The following TSPAN5 variants were observed in gnomAD, a reference collection of about 807,000 sequenced individuals.
TSPAN5 encodes tetraspanin-5.
Under a neutral mutation model 37.1 loss-of-function variants are expected in TSPAN5, and 10 were observed. The observed-to-expected ratio is 0.27, with a 90% CI of 0.17 to 0.46. The LOEUF is 0.46. Ranked by LOEUF, TSPAN5 falls within the 20% of genes least tolerant of loss-of-function variation. The pLI is 1.00. For synonymous variants in TSPAN5, 110 were observed against 118.9 expected (o/e 0.93, Z 0.48); for missense variants, 195 against 326.6 (o/e 0.60, Z 3.11).
intron 1 of TSPAN5, among the ~76,000 whole-genome samples, chr4:98,581,021 C>A (rs1218996239): frequency 6.6e-6 from 1 of 152,044 alleles, no homozygotes; most frequent in African/African-American, 2.4e-5. Flanking sequence ...ACAGGCTGAC[C>A]ATTAGAAACC....
chr4:98,573,752 G>C (rs1755174839), intron 1 of TSPAN5, among the ~76,000 whole-genome samples: 1 of 147,590 alleles, frequency 6.8e-6, no homozygotes, highest in Non-Finnish European at 1.5e-5. Flanking sequence ...AAAATGTTCT[G>C]AATTTTAGTT....
chr4:98,537,651 C>A (rs567518729), intron 1 of TSPAN5, among the ~76,000 whole-genome samples: 1 of 152,214 alleles, frequency 6.6e-6, no homozygotes, highest in African/African-American at 2.4e-5. Flanking sequence ...ATGCTCTCAA[C>A]ATGTGCCTCA....
intron 1 of TSPAN5, among the ~76,000 whole-genome samples, chr4:98,549,393 C>G (rs1754554607): frequency 6.6e-6 from 1 of 151,624 alleles, no homozygotes; most frequent in Admixed American, 6.6e-5. Context: ...ACCTCTGCCT[C>G]TCGGGTTTAA....
chr4:98,525,966 T>C (rs1179218828), intron 1 of TSPAN5, among the ~76,000 whole-genome samples: 3 of 152,236 alleles, frequency 2.0e-5, no homozygotes, highest in Non-Finnish European at 4.4e-5. Flanking sequence ...TGAAAGGCTC[T>C]ATATGAATAA....
intron 1 of TSPAN5, among the ~76,000 whole-genome samples, chr4:98,528,959 A>G (rs1418047117): frequency 3.3e-5 from 5 of 152,174 alleles, no homozygotes; most frequent in Admixed American, 2.6e-4. Flanking sequence ...TATTATTCAC[A>G]TTTAACAGGT....
intron 2 of TSPAN5, among the ~76,000 whole-genome samples, chr4:98,488,439 CTT>C (rs1753020229): frequency 6.6e-6 from 1 of 152,120 alleles, no homozygotes; most frequent in African/African-American, 2.4e-5. Flanking sequence ...ATAAAGAACT[CTT>C]ATAATGTAAA....
chr4:98,557,969 A>G (rs946741382), intron 1 of TSPAN5, among the ~76,000 whole-genome samples: 2 of 152,218 alleles, frequency 1.3e-5, no homozygotes, highest in Admixed American at 1.3e-4. Flanking sequence ...CTAAGAAACC[A>G]TGAACAACGT....
rs79102031 is a variant in TSPAN5, at chr4:98,499,067, G to A, written c.132+8611C>T. Among the ~76,000 whole-genome samples the A allele has an allele frequency of 8.2e-3, 1,251 of 152,320 alleles. 18 individuals are homozygous for A. The highest frequency in any genetic ancestry group is 0.029 in the African/African-American group (1,203 of 41,574). On this transcript the variant is annotated intron_variant, in intron 2 of 7. Coordinates refer to ENST00000305798, the MANE Select transcript of TSPAN5 (RefSeq NM_005723.4). ...CTGGCTGAGGAAGGTGGCCAGGGAT[G>A]AGCAGGGCTGCCAGGTGGTCACCTG...
chr4:98,541,470 A>T (rs1754354201), intron 1 of TSPAN5, among the ~76,000 whole-genome samples: 8 of 151,892 alleles, frequency 5.3e-5, no homozygotes, highest in African/African-American at 1.4e-4. Flanking sequence ...AGGCCAGGAG[A>T]TCGAGACTAG....
chr4:98,496,079 G>A (rs1226673228), intron 2 of TSPAN5, among the ~76,000 whole-genome samples: 1 of 152,154 alleles, frequency 6.6e-6, no homozygotes, highest in Non-Finnish European at 1.5e-5. Context: ...GTAAGAGATA[G>A]AGAAGGATTT....
intron 1 of TSPAN5, chr4:98,574,999 C>A: frequency 6.4e-6 from 1 of 155,678 alleles, no homozygotes; most frequent in South Asian, 1.8e-4. Context: ...AGCACAGACT[C>A]CGGAGTGTAG....
chr4:98,551,843 C>T (rs116414346), intron 1 of TSPAN5, among the ~76,000 whole-genome samples: 62 of 152,076 alleles, frequency 4.1e-4, no homozygotes, highest in African/African-American at 1.5e-3. Context: ...TGCATCTGGT[C>T]CTGGGCTTTT....
chr4:98,586,620 T>C (rs1001701178), intron 1 of TSPAN5, among the ~76,000 whole-genome samples: 1 of 152,206 alleles, frequency 6.6e-6, no homozygotes, highest in Non-Finnish European at 1.5e-5. Context: ...ACATAATGAT[T>C]TTCCTTTGGC....
At position 98,658,531 on chromosome 4, in the gene TSPAN5, C is replaced by T. The variant is rs1192184050; in HGVS notation, c.-305G>A. 1.0e-5 allele frequency: 2 copies of T among 191,158 alleles called. No individual in the cohort carries two copies. The highest frequency in any genetic ancestry group is 2.3e-5 in the African/African-American group (1 of 42,758). The allele number at this position is 191,158 out of a possible 1,614,324, so 11.8% of individuals were successfully genotyped here. On this transcript the variant is annotated 5_prime_UTR_variant, in exon 1 of 8. Transcript: ENST00000305798. ...AAAGCGAGCGCCCGCGTCCGTGCGC[C>T]AGGCGGTCGGTCCGTCGGTTCGTCC...
At chr4:98,580,370 G>A (rs1394865080) in intron 1 of TSPAN5, among the ~76,000 whole-genome samples, 1 of 152,194 alleles carries the variant, frequency 6.6e-6, no homozygotes, top group African/African-American at 2.4e-5. Context: ...TCCCAGCGAG[G>A]CAAGTTGTCC....
At chr4:98,488,096 A>C (rs1052180339) in intron 2 of TSPAN5, among the ~76,000 whole-genome samples, 1 of 152,208 alleles carries the variant, frequency 6.6e-6, no homozygotes, top group Admixed American at 6.5e-5. Context: ...AACAGGAAGC[A>C]ATCATCTGAT....
intron 1 of TSPAN5, among the ~76,000 whole-genome samples, chr4:98,548,890 T>G (rs200272678): frequency 2.9e-4 from 9 of 31,170 alleles, no homozygotes; most frequent in South Asian, 3.0e-3. Flanking sequence ...TTCCAAGGTG[T>G]GTGTGTGTGT....
intron 1 of TSPAN5, among the ~76,000 whole-genome samples, chr4:98,512,505 CAGA>C (rs1349939748): frequency 6.6e-6 from 1 of 152,164 alleles, no homozygotes; most frequent in Non-Finnish European, 1.5e-5. Flanking sequence ...TCAGGCATAG[CAGA>C]AGGACAGCCG....
intron 1 of TSPAN5, among the ~76,000 whole-genome samples, chr4:98,530,213 T>C (rs924629622): frequency 6.6e-6 from 1 of 152,096 alleles, no homozygotes; most frequent in East Asian, 1.9e-4. Flanking sequence ...CCAGAGCAAA[T>C]GAGAGACAGT....
Sources: allele counts gnomAD v4.1 joint callset (sites outside exome capture counted in the v4.1 genomes callset), GRCh38; gene constraint gnomAD v4.1.1; transcripts MANE v1.5; gene names NCBI Gene and HGNC (gene_info 2026-07-23, HGNC 2026-07-21).